ATRNL1: variants seen among roughly 807,000 people sequenced by gnomAD.
ATRNL1 encodes attractin-like protein 1.
ATRNL1 carries 95 observed loss-of-function variants against 182.7 expected under a neutral mutation model. The observed-to-expected ratio is 0.52, with a 90% CI of 0.44 to 0.62. The LOEUF (loss-of-function observed/expected upper bound fraction) is 0.62. Ranked by LOEUF, ATRNL1 falls within the 20% of genes least tolerant of loss-of-function variation. The pLI, the probability that ATRNL1 is intolerant of heterozygous loss-of-function variation, is 0.00. For synonymous variants in ATRNL1, 576 were observed against 568.3 expected (o/e 1.01, Z -0.19); for missense variants, 1,471 against 1,679.5 (o/e 0.88, Z 2.17).
chr10:115,834,915 A>G (rs1369112677), intron 27 of ATRNL1, among the ~76,000 whole-genome samples: 2 of 152,184 alleles, frequency 1.3e-5, no homozygotes, highest in Admixed American at 6.5e-5. Flanking sequence ...TGACATATTC[A>G]TGTTCTGGAT....
At chr10:115,540,303 C>T (rs986507222) in intron 25 of ATRNL1, among the ~76,000 whole-genome samples, 1 of 152,014 alleles carries the variant, frequency 6.6e-6, no homozygotes, top group African/African-American at 2.4e-5. Context: ...GGGTAGCCCT[C>T]CCGCTGCACT....
intron 21 of ATRNL1, among the ~76,000 whole-genome samples, chr10:115,458,831 C>T (rs947132497): frequency 1.3e-5 from 2 of 151,972 alleles, no homozygotes; most frequent in African/African-American, 2.4e-5. Context: ...CTTGCTTTTC[C>T]TTCGTGATAT....
At chr10:115,626,082 A>G (rs1858077892) in intron 26 of ATRNL1, among the ~76,000 whole-genome samples, 1 of 152,196 alleles carries the variant, frequency 6.6e-6, no homozygotes, top group Non-Finnish European at 1.5e-5. Flanking sequence ...CTGAATCAAA[A>G]TACTCCAAAA....
intron 20 of ATRNL1, among the ~76,000 whole-genome samples, chr10:115,405,218 A>G (rs578218661): frequency 1.4e-4 from 22 of 152,342 alleles, no homozygotes; most frequent in African/African-American, 5.0e-4. Flanking sequence ...GTATGTCCCA[A>G]CTTAACATTG....
At chr10:115,740,375 A>T (rs374897388) in intron 27 of ATRNL1, among the ~76,000 whole-genome samples, 2 of 149,476 alleles carry the variant, frequency 1.3e-5, no homozygotes, top group African/African-American at 4.9e-5. Context: ...TGACATATAA[A>T]AGTGGGGCAG....
At chr10:115,358,456 A>G (rs1554943398) in intron 19 of ATRNL1, among the ~76,000 whole-genome samples, 2 of 151,022 alleles carry the variant, frequency 1.3e-5, no homozygotes. Flanking sequence ...ATTTTTTGCA[A>G]TTTACATTTT....
At chr10:115,594,111 C>T (rs1376816605) in intron 26 of ATRNL1, among the ~76,000 whole-genome samples, 3 of 152,090 alleles carry the variant, frequency 2.0e-5, no homozygotes, top group African/African-American at 7.2e-5. Context: ...ACTATACTTT[C>T]GTATACCTAT....
Position 115,300,142 on chromosome 10 carries a change from A to G in ATRNL1, c.2524A>G (p.Asn842Asp). The stretch of plus-strand genomic sequence containing the variant: ...ACTACAGTGGCTTCCTGGCGAACCC[A>G]ATGATTCTGGGTTTTGTGCATATCT... Reference protein sequence around the residue: ...TTLQWLPGEPNDSGFCAYLER... With the variant: ...TTLQWLPGEPDDSGFCAYLER... Residue 842 changes from asparagine (N) to aspartate (D), a missense_variant, in exon 16 of 29, where the codon AAT (asparagine) becomes GAT (aspartate). By Grantham distance (23) the Asn-to-Asp change is conservative (BLOSUM62 1). Around this residue, in one of 3 missense-constraint regions of ATRNL1, gnomAD observed 1,031 missense variants for 1,156.0 expected, o/e 0.89. Transcript: ENST00000355044. 5.6e-6 allele frequency: 9 copies of G among 1,614,080 alleles called. No homozygotes were observed. The highest frequency in any genetic ancestry group is 5.9e-6 in the Non-Finnish European group (7 of 1,179,952).
chr10:115,473,218 T>TA, intron 24 of ATRNL1, among the ~76,000 whole-genome samples: 1 of 151,458 alleles, frequency 6.6e-6, no homozygotes, highest in Non-Finnish European at 1.5e-5. Context: ...ATGATACTTA[T>TA]AATGTGCTGT....
intron 26 of ATRNL1, among the ~76,000 whole-genome samples, chr10:115,634,869 C>G (rs551905414): frequency 6.6e-6 from 1 of 151,810 alleles, no homozygotes; most frequent in African/African-American, 2.4e-5. Context: ...CCCAGAAAAC[C>G]TTGAGTTATC....
At chr10:115,726,004 T>C (rs1279230499) in intron 26 of ATRNL1, among the ~76,000 whole-genome samples, 1 of 152,212 alleles carries the variant, frequency 6.6e-6, no homozygotes, top group Non-Finnish European at 1.5e-5. Context: ...TATTAACAGT[T>C]GCATTATTTC....
intron 1 of ATRNL1, among the ~76,000 whole-genome samples, chr10:115,095,234 A>G (rs1366122712): frequency 6.6e-6 from 1 of 152,106 alleles, no homozygotes; most frequent in Non-Finnish European, 1.5e-5. Context: ...GATTACTGAT[A>G]TTGTTAGGCT....
intron 26 of ATRNL1, among the ~76,000 whole-genome samples, chr10:115,696,042 G>T (rs1404792590): frequency 6.6e-6 from 1 of 152,112 alleles, no homozygotes; most frequent in East Asian, 1.9e-4. Flanking sequence ...GGGACTACAG[G>T]CGCCTGCTAC....
At chr10:115,571,379 A>G (rs1555003411) in intron 26 of ATRNL1, among the ~76,000 whole-genome samples, 2 of 152,152 alleles carry the variant, frequency 1.3e-5, no homozygotes. Context: ...CGTTTTCCAG[A>G]TAGCTGTTAG....
chr10:115,559,136 G>A (rs188318722), intron 26 of ATRNL1, among the ~76,000 whole-genome samples: 38 of 152,254 alleles, frequency 2.5e-4, no homozygotes, highest in Non-Finnish European at 1.0e-4. Context: ...TCAACACCCT[G>A]CTCATGAAGC....
At chr10:115,113,603 C>T (rs1844351141) in intron 1 of ATRNL1, among the ~76,000 whole-genome samples, 1 of 152,126 alleles carries the variant, frequency 6.6e-6, no homozygotes, top group Non-Finnish European at 1.5e-5. Flanking sequence ...AGGTCCCCTG[C>T]ACAAGCTCTC....
At position 115,367,895 on chromosome 10, in the gene ATRNL1, G is replaced by C. The variant is rs9420172; in HGVS notation, c.3176-26764G>C. Among the ~76,000 whole-genome samples the C allele has an allele frequency of 7.7e-3, 1,154 of 149,648 alleles. 16 individuals are homozygous for C. Among genetic ancestry groups the C allele is most frequent in the African/African-American group, 0.027 (1,107 of 40,606 alleles). ...TGCCCGTTCTCAGATCTCCAGCTGC[G>C]TGCTGGGAGAACCACTGCTCTCTTC... On this transcript the variant is annotated intron_variant, in intron 19 of 28. Transcript: ENST00000355044.
intron 18 of ATRNL1, among the ~76,000 whole-genome samples, chr10:115,331,023 A>G (rs1431582183): frequency 6.7e-6 from 1 of 150,004 alleles, no homozygotes; most frequent in African/African-American, 2.4e-5. Context: ...GAAATCAGTG[A>G]TTCTTCTGCT....
At chr10:115,620,964 C>CT (rs557803709) in intron 26 of ATRNL1, among the ~76,000 whole-genome samples, 1 of 151,622 alleles carries the variant, frequency 6.6e-6, no homozygotes, top group Non-Finnish European at 1.5e-5. Context: ...TCCATTTCCC[C>CT]TTTTTTTTCA....
Sources: gnomAD v4.1 joint callset for allele counts (sites outside exome capture counted in the v4.1 genomes callset) on GRCh38, gnomAD v4.1.1 for gene constraint, gnomAD v4.1.1 regional missense constraint, MANE v1.5 for transcripts, NCBI Gene and HGNC (gene_info 2026-07-23, HGNC 2026-07-21) for gene names.